Variants in ZDHHC6 observed in about 807,000 individuals in gnomAD.
ZDHHC6 encodes zDHHC palmitoyltransferase 6.
ZDHHC6 carries 32 observed loss-of-function variants against 57.8 expected under a neutral mutation model. That is an observed-to-expected ratio of 0.55 (90% CI 0.42 to 0.74). The LOEUF (loss-of-function observed/expected upper bound fraction) is 0.74, where lower values mean the gene tolerates loss of function less well. ZDHHC6 is among the 30% of genes least tolerant of loss of function. The probability of loss-of-function intolerance (pLI) is 0.00; values close to 1 mark genes in which losing one functional copy is unlikely to be tolerated. For synonymous variants in ZDHHC6, 128 were observed against 158.0 expected, an observed-to-expected ratio of 0.81 and a Z score of 1.42; for missense variants, 433 against 500.7, an observed-to-expected ratio of 0.86 and a Z score of 1.29.
intron 6 of ZDHHC6, among the ~76,000 whole-genome samples, chr10:112,436,070 G>A (rs1008924800): frequency 6.6e-6 from 1 of 152,156 alleles, no homozygotes. Flanking sequence ...CTAGGCAGAG[G>A]GAACAACATG....
chr10:112,439,076 T>C (rs1156858174), intron 5 of ZDHHC6, among the ~76,000 whole-genome samples: 1 of 152,156 alleles, frequency 6.6e-6, no homozygotes, highest in East Asian at 1.9e-4. Context: ...AAAGTCTGGC[T>C]GTGCCTTCAG....
chr10:112,447,145 C>T, upstream of ZDHHC6: 1 of 525,064 alleles, frequency 1.9e-6, no homozygotes, highest in Non-Finnish European at 3.5e-6. Flanking sequence ...TGCGAACTTA[C>T]TTATCTTAAA....
chr10:112,437,612 C>T (rs1031092997), intron 6 of ZDHHC6, among the ~76,000 whole-genome samples: 1 of 152,216 alleles, frequency 6.6e-6, no homozygotes, highest in Non-Finnish European at 1.5e-5. Context: ...ATCCAACCAT[C>T]TTCTCTTAAG....
upstream of ZDHHC6, chr10:112,447,025 C>CGT: frequency 3.6e-6 from 1 of 278,218 alleles, no homozygotes; most frequent in Non-Finnish European, 7.1e-6. Context: ...GGATCCGGAG[C>CGT]CGATTCCCAG....
chr10:112,426,519 C>T, downstream of ZDHHC6: 1 of 636,632 alleles, frequency 1.6e-6, no homozygotes, highest in Non-Finnish European at 2.7e-6. Context: ...AAAAATAAAA[C>T]TCTCTTTTCT....
At chr10:112,426,773 G>GT (rs1740764581), downstream of ZDHHC6, 1 of 1,612,404 alleles carries the variant, frequency 6.2e-7, no homozygotes, top group South Asian at 1.1e-5. Context: ...TTTAAGTGAT[G>GT]TTTTGTATTC....
At position 112,434,217 on chromosome 10, in the gene ZDHHC6, A is replaced by G. The variant is rs1845301302; in HGVS notation, c.903+80T>C. The G allele has an allele frequency of 2.2e-6, 3 of 1,383,162 alleles. No homozygotes were observed. The East Asian group carries it at 7.1e-5, about 33-fold the overall frequency. 85.7% of individuals were successfully genotyped at this position (1,383,162 alleles called of 1,614,324 possible). On this transcript the variant is annotated intron_variant, in intron 7 of 10. Coordinates refer to ENST00000369405, the MANE Select transcript of ZDHHC6 (RefSeq NM_022494.3). Reference sequence around the variant, plus strand: ...CATTCATATTACTTATTTTACTACAAAATGTCACTTGAGTTGAGGGGGAGT... The same window carrying G: ...CATTCATATTACTTATTTTACTACAGAATGTCACTTGAGTTGAGGGGGAGT...
chr10:112,447,168 A>G (rs541609651), upstream of ZDHHC6: 9 of 538,818 alleles, frequency 1.7e-5, no homozygotes. Context: ...CGGAGCGGAA[A>G]ATAAAGCACG....
At position 112,445,370 on chromosome 10, in the gene ZDHHC6, C is replaced by T; in HGVS notation, c.67G>A (p.Gly23Ser). ...ATAACACCAAGGGCTATGATGGGAC[C>T]CCAGTGACACAGTCTCTTTAATTCT... is the stretch of plus-strand genomic sequence containing the variant. Reference protein sequence around the residue: ...LQELKRLCHWGPIIALGVIAI... With the variant: ...LQELKRLCHWSPIIALGVIAI... Residue 23 changes from glycine to serine, a missense_variant, in exon 2 of 11, where the codon GGT becomes AGT. Gly to Ser is a moderately conservative substitution (Grantham distance 56). Transcript: ENST00000369405. The T allele has an allele frequency of 6.2e-7, 1 of 1,614,002 alleles. No homozygotes were observed. Among genetic ancestry groups the T allele is most frequent in the East Asian group, 2.2e-5 (1 of 44,886 alleles).
At chr10:112,431,408 G>A (rs528090356) in intron 10 of ZDHHC6, among the ~76,000 whole-genome samples, 5 of 152,024 alleles carry the variant, frequency 3.3e-5, no homozygotes, top group African/African-American at 1.2e-4. Flanking sequence ...CTGCCTCCCG[G>A]GTTCAAGCAA....
At chr10:112,429,986 G>A (rs914259994), downstream of ZDHHC6, among the ~76,000 whole-genome samples, 1 of 148,966 alleles carries the variant, frequency 6.7e-6, no homozygotes, top group Non-Finnish European at 1.5e-5. Context: ...GTGTGGGGGG[G>A]GTATTTCCCC....
Position 112,430,890 on chromosome 10 carries a change from C to G in ZDHHC6, c.1156G>C (p.Gly386Arg). Reference protein sequence around the residue: ...SFIEGVSRIRGWFPRKCVEKC... With the variant: ...SFIEGVSRIRRWFPRKCVEKC... Reference sequence around the variant, plus strand: ...TCCACACATTTTCTAGGGAACCAACCCCTTATTCTTGAAACACCTGAGGGA... The same window carrying G: ...TCCACACATTTTCTAGGGAACCAACGCCTTATTCTTGAAACACCTGAGGGA... The change falls in exon 11 of 11, where the codon GGT becomes CGT. Residue 386 changes from glycine (G) to arginine (R), a missense_variant. Gly to Arg is a moderately radical substitution (Grantham distance 125). Coordinates refer to ENST00000369405, the MANE Select transcript of ZDHHC6 (RefSeq NM_022494.3). 2 of 1,613,402 alleles carry G rather than the reference C, an allele frequency of 1.2e-6. No individual in the cohort carries two copies. The highest frequency in any genetic ancestry group is 2.2e-5 in the South Asian group (2 of 90,888).
At chr10:112,447,296 C>T (rs1846873912), upstream of ZDHHC6, 7 of 1,502,016 alleles carry the variant, frequency 4.7e-6, no homozygotes, top group African/African-American at 1.4e-5. Context: ...GGTTCCTAAG[C>T]CGCGGGGCCC....
At chr10:112,440,869 G>A (rs1423687750) in intron 4 of ZDHHC6, among the ~76,000 whole-genome samples, 174 bp from the exon 5 acceptor site, 4 of 152,018 alleles carry the variant, frequency 2.6e-5, no homozygotes, top group African/African-American at 7.2e-5. Context: ...TATTTGAGAC[G>A]GAGTCTCACT....
In ZDHHC6 at chr10:112,432,362, T is replaced by G; in HGVS notation, c.1091+14A>C. The G allele has an allele frequency of 6.2e-7, 1 of 1,611,572 alleles. No homozygotes were observed. Among genetic ancestry groups the G allele is most frequent in the African/African-American group, 1.3e-5 (1 of 74,896 alleles). ...TGTCCTTGAAGAAGAAATGCAGTAC[T>G]TCCTATTACTTACCGTAAACCTCTT... On this transcript the variant is annotated intron_variant, in intron 9 of 10. Coordinates refer to ENST00000369405, the MANE Select transcript of ZDHHC6 (RefSeq NM_022494.3).
At position 112,433,261 on chromosome 10, in the gene ZDHHC6, T is replaced by C. The variant is rs1435350093; in HGVS notation, c.924A>G (p.Lys308=). Residue 308 remains lysine, a synonymous_variant, in exon 8 of 11, where the codon AAA becomes AAG. Transcript: ENST00000369405. ...YSLTIEQLKQ[K]ADKRVRSVRY... is the part of the protein sequence containing the mutation. ...TTACACTTCTGACTCTCTTATCTGC[T>C]TTTTGTTTCAACTGTTCTATCTGTT... 1.3e-6 allele frequency: 2 copies of C among 1,588,802 alleles called. No individual in the cohort carries two copies. Among genetic ancestry groups the C allele is most frequent in the Non-Finnish European group, 1.7e-6 (2 of 1,170,304 alleles).
At chr10:112,433,849 T>A (rs1045971860) in intron 7 of ZDHHC6, among the ~76,000 whole-genome samples, 4 of 152,120 alleles carry the variant, frequency 2.6e-5, no homozygotes, top group African/African-American at 9.7e-5. Flanking sequence ...TGAGCTACCA[T>A]AGAGTAGTAT....
chr10:112,434,482 A>C lies in ZDHHC6; in HGVS notation c.736-18T>G. On this transcript the variant is annotated intron_variant, in intron 6 of 10. Coordinates refer to ENST00000369405, the MANE Select transcript of ZDHHC6 (RefSeq NM_022494.3). ...TCTTTAGCCTGTGGGTAACAAAGAT[A>C]TAAGATGGCAGGTGCCTCTGTCTAA... The C allele has an allele frequency of 6.2e-7, 1 of 1,602,618 alleles. No homozygotes were observed. Among genetic ancestry groups the C allele is most frequent in the Non-Finnish European group, 8.5e-7 (1 of 1,173,958 alleles).
chr10:112,425,603 A>C, downstream of ZDHHC6: 1 of 935,904 alleles, frequency 1.1e-6, no homozygotes, highest in Non-Finnish European at 1.5e-6. Flanking sequence ...ACTAAAAAAA[A>C]AAAAAAAAAT....
Sources: allele counts gnomAD v4.1 joint callset (sites outside exome capture counted in the v4.1 genomes callset), GRCh38; gene constraint gnomAD v4.1.1; transcripts MANE v1.5; gene names NCBI Gene and HGNC (gene_info 2026-07-23, HGNC 2026-07-21).